Variants in BAZ1A observed in about 807,000 individuals in gnomAD.
The protein encoded by BAZ1A is bromodomain adjacent to zinc finger domain protein 1A.
BAZ1A carries 50 observed loss-of-function variants against 185.2 expected under a neutral mutation model. The observed-to-expected ratio is 0.27, with a 90% CI of 0.22 to 0.34. BAZ1A has a LOEUF of 0.34. Ranked by LOEUF, BAZ1A falls within the 10% of genes least tolerant of loss-of-function variation. BAZ1A has a pLI of 1.00. For missense variants in BAZ1A, 1,356 were observed against 1,839.9 expected (o/e 0.74, Z 4.81); for synonymous variants, 571 against 615.6 (o/e 0.93, Z 1.07).
chr14:34,812,944 C>A (rs1002421678), intron 4 of BAZ1A, among the ~76,000 whole-genome samples: 1 of 151,836 alleles, frequency 6.6e-6, no homozygotes, highest in African/African-American at 2.4e-5. Flanking sequence ...TGCACCTGTA[C>A]TATATGGAGT....
chr14:34,784,008 A>G, intron 14 of BAZ1A, 81 bp from the exon 15 acceptor site: 1 of 1,233,590 alleles, frequency 8.1e-7, no homozygotes, highest in Non-Finnish European at 1.1e-6. Context: ...TTGTGGCTCA[A>G]TGTGAAAATG....
intron 3 of BAZ1A, among the ~76,000 whole-genome samples, chr14:34,844,779 A>G (rs60114251): frequency 0.2 from 1,344 of 6,880 alleles, 24 homozygotes; most frequent in African/African-American, 0.27. Flanking sequence ...ACACACGCGC[A>G]CACACACACA....
intron 3 of BAZ1A, among the ~76,000 whole-genome samples, chr14:34,836,437 A>G (rs2042333319): frequency 6.7e-6 from 1 of 149,970 alleles, no homozygotes. Flanking sequence ...TAACTGAGAC[A>G]CATGCAGAAT....
At chr14:34,765,786 C>A (rs1467595230) in intron 21 of BAZ1A, among the ~76,000 whole-genome samples, 1 of 151,992 alleles carries the variant, frequency 6.6e-6, no homozygotes, top group Non-Finnish European at 1.5e-5. Flanking sequence ...CATTTGAAAC[C>A]TTCTGTCACT....
chr14:34,826,795 T>G (rs1161499899), intron 3 of BAZ1A, among the ~76,000 whole-genome samples: 3 of 152,168 alleles, frequency 2.0e-5, no homozygotes, highest in Non-Finnish European at 4.4e-5. Flanking sequence ...GTCGCTAAAG[T>G]ATTATTGCTA....
intron 24 of BAZ1A, among the ~76,000 whole-genome samples, chr14:34,759,184 T>TTTTTTTTTTTTTTTTTTTTTTTTTTTTTG (rs1886410722): frequency 9.3e-6 from 1 of 108,108 alleles, no homozygotes; most frequent in African/African-American, 3.9e-5. Flanking sequence ...TTTTTTTTTT[T>TTTTTTTTTTTTTTTTTTTTTTTTTTTTTG]TTTTTTTTTT....
In BAZ1A at chr14:34,765,262, C is replaced by T. The variant is rs1396971700; in HGVS notation, c.3308G>A (p.Ser1103Asn). 1 of 1,611,934 alleles carries T rather than the reference C, an allele frequency of 6.2e-7. No individual in the cohort carries two copies. The highest frequency in any genetic ancestry group is 8.5e-7 in the Non-Finnish European group (1 of 1,179,060). The part of the protein sequence containing the change: ...RRFLKAPLDA[S>N]DSGRSYKTVL... ...TGTTTTATAAGAACGCCCACTGTCA[C>T]TGGCATCTTAAATGAAAAGGGAAAG... is the stretch of plus-strand genomic sequence containing the variant. The change falls in exon 22 of 27, where the codon AGT becomes AAT. Residue 1103 changes from serine (S) to asparagine (N), a missense_variant. Physicochemically the swap from Ser to Asn is conservative, Grantham distance 46. Coordinates refer to ENST00000360310, the MANE Select transcript of BAZ1A (RefSeq NM_013448.3).
chr14:34,869,527 T>C (rs2042919438), intron 2 of BAZ1A, among the ~76,000 whole-genome samples: 1 of 152,074 alleles, frequency 6.6e-6, no homozygotes, highest in Non-Finnish European at 1.5e-5. Context: ...AGAAAGAGTT[T>C]TTGAATCATT....
rs2042352544 is a variant in BAZ1A at position 34,837,774 on chromosome 14, ATTGT to A, written c.393-11622_393-11619del. On this transcript the variant is annotated intron_variant, in intron 3 of 26. Transcript: ENST00000360310. ...GTATATTCAAATAAATAGGTATTCA[ATTGT>A]TTGTGGGCTCAGCTTTGTGCCGTCC... is the stretch of plus-strand genomic sequence containing the variant. 2.0e-5 allele frequency among the ~76,000 whole-genome samples: 3 copies of A among 152,318 alleles called. No homozygotes were observed. The South Asian group carries it at 6.2e-4, about 32-fold the overall frequency.
chr14:34,825,447 C>CA lies in BAZ1A; in HGVS notation c.536+565dup, dbSNP rs35449855. 9.2e-3 allele frequency among the ~76,000 whole-genome samples: 508 copies of CA among 55,364 alleles called. 96 individuals are homozygous for CA. Among genetic ancestry groups the CA allele is most frequent in the African/African-American group, 0.032 (388 of 11,988 alleles). 36.3% of individuals were successfully genotyped at this position (55,364 alleles called of 152,430 possible). ...GGGCAACAAGATGGAAACTCTGTCT[C>CA]AAAAAAAAAAAAAAAAAAAAAAAAA... On this transcript the variant is annotated intron_variant, in intron 4 of 26. Coordinates refer to ENST00000360310, the MANE Select transcript of BAZ1A (RefSeq NM_013448.3).
chr14:34,773,583 T>G lies in BAZ1A; in HGVS notation c.3141A>C (p.Ile1047=), dbSNP rs1473582860. The G allele has an allele frequency of 6.2e-7, 1 of 1,606,870 alleles. No individual in the cohort carries two copies. The highest frequency in any genetic ancestry group is 8.5e-7 in the Non-Finnish European group (1 of 1,177,514). The change falls in exon 20 of 27, where the codon ATA becomes ATC. Residue 1047 remains isoleucine (I), a synonymous_variant. Coordinates refer to ENST00000360310, the MANE Select transcript of BAZ1A (RefSeq NM_013448.3). ...AAATCTTTTTGTACCTGTCTTTTACTATGACCTTTGTTTGTTCATCAATTT... is the reference window on the plus strand; with the variant it reads ...AAATCTTTTTGTACCTGTCTTTTACGATGACCTTTGTTTGTTCATCAATTT... ...EMEIDEQTKV[I]VKDRLLGIKT...
intron 4 of BAZ1A, among the ~76,000 whole-genome samples, chr14:34,817,974 A>G (rs1214451153): frequency 2.0e-5 from 3 of 152,172 alleles, no homozygotes. Flanking sequence ...ATGACCCAGC[A>G]ATCCACTTCT....
At chr14:34,754,437 A>AAAG (rs1364006718) in intron 26 of BAZ1A, among the ~76,000 whole-genome samples, 2 of 151,780 alleles carry the variant, frequency 1.3e-5, no homozygotes, top group Non-Finnish European at 2.9e-5. Context: ...AAAAAAGAAA[A>AAAG]AAGAAAAAGA....
At chr14:34,780,991 T>C (rs1021389616) in intron 16 of BAZ1A, among the ~76,000 whole-genome samples, 2 of 151,898 alleles carry the variant, frequency 1.3e-5, no homozygotes, top group African/African-American at 2.4e-5. Flanking sequence ...GGAGAGAAGA[T>C]GATAAATAGT....
intron 3 of BAZ1A, among the ~76,000 whole-genome samples, chr14:34,826,445 G>C (rs79196567): frequency 8.0e-4 from 122 of 152,266 alleles, no homozygotes; most frequent in Middle Eastern, 3.4e-3. Flanking sequence ...TCCTTAGGTT[G>C]TAAAGTTAGG....
intron 4 of BAZ1A, 68 bp from the exon 5 acceptor site, chr14:34,811,104 T>A: frequency 8.7e-7 from 1 of 1,146,460 alleles, no homozygotes; most frequent in Non-Finnish European, 1.3e-6. Context: ...AATGAAAACC[T>A]AGTTTCTAAG....
At chr14:34,848,550 C>G (rs1057065016) in intron 3 of BAZ1A, among the ~76,000 whole-genome samples, 1 of 152,088 alleles carries the variant, frequency 6.6e-6, no homozygotes, top group Non-Finnish European at 1.5e-5. Flanking sequence ...TGCAGTGAGC[C>G]AAAATCGCGC....
chr14:34,804,257 C>T (rs960383773), intron 6 of BAZ1A, among the ~76,000 whole-genome samples: 2 of 152,216 alleles, frequency 1.3e-5, no homozygotes, highest in African/African-American at 4.8e-5. Context: ...ATCTGCCCGC[C>T]TTGGCCTCCC....
chr14:34,783,079 T>C (rs1166844837), intron 16 of BAZ1A, 40 bp downstream of exon 16: 1 of 1,409,306 alleles, frequency 7.1e-7, no homozygotes, highest in Non-Finnish European at 9.9e-7. Flanking sequence ...TTATTCTTTA[T>C]GTATGGTAAA....
Sources: allele counts gnomAD v4.1 joint callset (sites outside exome capture counted in the v4.1 genomes callset), GRCh38; gene constraint gnomAD v4.1.1; transcripts MANE v1.5; gene names NCBI Gene and HGNC (gene_info 2026-07-23, HGNC 2026-07-21).